Variants in TPCN1 observed in about 807,000 individuals in gnomAD.
TPCN1 encodes two pore channel protein 1.
TPCN1 carries 52 observed loss-of-function variants against 108.8 expected under a neutral mutation model. The observed-to-expected ratio is 0.48, with a 90% CI of 0.38 to 0.60. The LOEUF (loss-of-function observed/expected upper bound fraction) is 0.60. TPCN1 is among the 20% of genes least tolerant of loss of function. The pLI, the probability that TPCN1 is intolerant of heterozygous loss-of-function variation, is 0.00. For synonymous variants in TPCN1, 446 were observed against 433.7 expected, an observed-to-expected ratio of 1.03 and a Z score of -0.35; for missense variants, 806 against 1,072.8, an observed-to-expected ratio of 0.75 and a Z score of 3.47.
chr12:113,255,606 A>G (rs910752374), intron 2 of TPCN1, among the ~76,000 whole-genome samples: 2 of 151,920 alleles, frequency 1.3e-5, no homozygotes, highest in Non-Finnish European at 2.9e-5. Flanking sequence ...GCTCACCGCA[A>G]CCTCCACCTC....
At position 113,285,891 on chromosome 12, in the gene TPCN1, T is replaced by C. The variant is rs765424762; in HGVS notation, c.1456T>C (p.Tyr486His). Residue 486 changes from tyrosine to histidine, a missense_variant and splice_region_variant, in exon 18 of 28, where the codon TAT becomes CAT. Transcript: ENST00000335509. The part of the protein sequence containing the change: ...PWSYLVFLTI[Y>H]GVELFLKVAG... ...CGATGGATTCCTTCTGTCCACAGTC[T>C]ATGGGGTGGAGCTGTTCCTGAAGGT... is the stretch of plus-strand genomic sequence containing the variant. 1 of 1,614,138 alleles carries C rather than the reference T, an allele frequency of 6.2e-7. No individual in the cohort carries two copies. The highest frequency in any genetic ancestry group is 2.2e-5 in the East Asian group (1 of 44,886).
chr12:113,285,011 T>G (rs750528596), intron 17 of TPCN1, among the ~76,000 whole-genome samples: 9 of 152,206 alleles, frequency 5.9e-5, no homozygotes, highest in Non-Finnish European at 1.2e-4. Flanking sequence ...CCCTGCTGTT[T>G]GCCAGCGCCG....
intron 1 of TPCN1, among the ~76,000 whole-genome samples, chr12:113,222,870 C>T (rs927264299): frequency 1.3e-5 from 2 of 152,132 alleles, no homozygotes; most frequent in African/African-American, 4.8e-5. Context: ...ATTAAGAAAC[C>T]TCTTCTCTGT....
chr12:113,234,491 T>C (rs1953811096), intron 2 of TPCN1, among the ~76,000 whole-genome samples: 1 of 152,242 alleles, frequency 6.6e-6, no homozygotes, highest in African/African-American at 2.4e-5. Flanking sequence ...TATCAGGACT[T>C]GCCTGGTAGA....
chr12:113,241,773 TGTGTGTGTGTGTGTGTGTGTGC>T (rs1954137956), intron 2 of TPCN1, among the ~76,000 whole-genome samples: 1 of 150,740 alleles, frequency 6.6e-6, no homozygotes, highest in Admixed American at 6.6e-5. Context: ...TGTGTGTGTG[TGTGTGTGTGTGTGTGTGTGTGC>T]GTGTGTGTGT....
rs75057362 is a variant in TPCN1, at chr12:113,259,747, G to A, written c.113-621G>A. 0.012 allele frequency among the ~76,000 whole-genome samples: 1,831 copies of A among 152,314 alleles called. 68 individuals are homozygous for A. The East Asian group carries it at 0.15, about 12-fold the overall frequency. ...AGGGAGATGAGGGGCTTATTGCCAGGCCCAGGTCACCTGCCTGGGAACCAG... is the reference window on the plus strand; with the variant it reads ...AGGGAGATGAGGGGCTTATTGCCAGACCCAGGTCACCTGCCTGGGAACCAG... On this transcript the variant is annotated intron_variant, in intron 2 of 27. Coordinates refer to ENST00000335509, the MANE Select transcript of TPCN1 (RefSeq NM_017901.6).
chr12:113,278,309 C>T (rs1285658375), intron 13 of TPCN1, 72 bp downstream of exon 13: 10 of 1,360,010 alleles, frequency 7.4e-6, no homozygotes, highest in Non-Finnish European at 1.1e-5. Context: ...GGAGCAGGGG[C>T]ACCCCGAGAT....
chr12:113,224,305 C>T (rs1593059045), intron 1 of TPCN1, among the ~76,000 whole-genome samples: 1 of 152,204 alleles, frequency 6.6e-6, no homozygotes, highest in East Asian at 1.9e-4. Flanking sequence ...CTGCCTATCT[C>T]ATGGGGCTAT....
chr12:113,234,881 T>G (rs1953825908), intron 2 of TPCN1, among the ~76,000 whole-genome samples: 1 of 152,196 alleles, frequency 6.6e-6, no homozygotes, highest in Admixed American at 6.6e-5. Context: ...GTCTTTTGAT[T>G]TGTAAATAGT....
intron 2 of TPCN1, chr12:113,244,824 CTG>C: frequency 5.3e-6 from 5 of 935,854 alleles, no homozygotes; most frequent in Non-Finnish European, 3.8e-6. Flanking sequence ...AACTGAGGCT[CTG>C]GGGATTAAGA....
At chr12:113,225,875 G>A (rs1282017655) in intron 1 of TPCN1, among the ~76,000 whole-genome samples, 1 of 152,002 alleles carries the variant, frequency 6.6e-6, no homozygotes, top group Non-Finnish European at 1.5e-5. Context: ...TTTTTTAAGA[G>A]ACAGGATTTC....
Position 113,284,477 on chromosome 12 carries a change from A to C in TPCN1, c.1343-104A>C. 7.6e-7 allele frequency: 1 copy of C among 1,308,994 alleles called. No homozygotes were observed. The highest frequency in any genetic ancestry group is 1.1e-6 in the Non-Finnish European group (1 of 909,048). The allele number at this position is 1,308,994 out of a possible 1,614,324, so 81.1% of individuals were successfully genotyped here. A position where few individuals can be genotyped will look rare whatever the true frequency, so the allele number is the denominator to read the frequency against. On this transcript the variant is annotated intron_variant, in intron 15 of 27. Coordinates refer to ENST00000335509, the MANE Select transcript of TPCN1 (RefSeq NM_017901.6). This position sits in a 1 kb window ranked among gnomAD's most constrained non-coding sequence, Gnocchi z 4.1. Reference sequence around the variant, plus strand: ...TGTGTGGAGCAGCCCTGTTCTCCCCATCCCGTAGAGCTCCAGGAAGTTAAC... The same window carrying C: ...TGTGTGGAGCAGCCCTGTTCTCCCCCTCCCGTAGAGCTCCAGGAAGTTAAC...
At chr12:113,234,129 G>A (rs12308327) in intron 2 of TPCN1, among the ~76,000 whole-genome samples, 2,254 of 152,266 alleles carry the variant, frequency 0.015, 67 homozygotes, top group African/African-American at 0.051. Context: ...TCATGGTGAA[G>A]CTGTGTTGGA....
At chr12:113,254,884 G>A (rs904678725) in intron 2 of TPCN1, among the ~76,000 whole-genome samples, 2 of 152,212 alleles carry the variant, frequency 1.3e-5, no homozygotes, top group African/African-American at 4.8e-5. Flanking sequence ...ACTAGGCACA[G>A]AAAGGAATTT....
In TPCN1 at chr12:113,290,140, G is replaced by A; in HGVS notation, c.1809G>A (p.Val603=). 6.3e-7 allele frequency: 1 copy of A among 1,595,854 alleles called. No homozygotes were observed. Among genetic ancestry groups the A allele is most frequent in the Non-Finnish European group, 8.5e-7 (1 of 1,170,510 alleles). The change falls in exon 22 of 28, where the codon GTG becomes GTA. Residue 603 remains valine (V), a synonymous_variant. Transcript: ENST00000335509. The part of the protein sequence containing the change: ...VFPNCCNTST[V]ADAYRWRNHT... The stretch of plus-strand genomic sequence containing the variant: ...GTGCTCCGGCCAGCACGAGTACAGT[G>A]GCAGATGCCTACCGCTGGCGCAACC...
intron 2 of TPCN1, chr12:113,245,846 G>C (rs953353537): frequency 2.4e-6 from 1 of 416,470 alleles, no homozygotes; most frequent in Non-Finnish European, 4.9e-6. Flanking sequence ...GTTCTTTCCT[G>C]CTCCTCCCCA....
intron 23 of TPCN1, 96 bp from the exon 24 acceptor site, chr12:113,291,513 G>A: frequency 9.9e-7 from 1 of 1,011,594 alleles, no homozygotes; most frequent in Non-Finnish European, 1.5e-6. Context: ...AATCACGGTG[G>A]GGTCTGCGAA....
chr12:113,225,806 G>A lies in TPCN1; in HGVS notation c.-125-922G>A, dbSNP rs971809254. Among the ~76,000 whole-genome samples the A allele has an allele frequency of 4.0e-5, 6 of 151,784 alleles. No homozygotes were observed. The South Asian group carries it at 6.3e-4, about 16-fold the overall frequency. On this transcript the variant is annotated intron_variant, in intron 1 of 27. Coordinates refer to ENST00000335509, the MANE Select transcript of TPCN1 (RefSeq NM_017901.6). ...CCTGACCTCAGGATCCGCCCGCCTC[G>A]GCCTCCCAAAGTGCTGGGATTACAG...
Position 113,297,127 on chromosome 12 carries a change from T to G in TPCN1, c.*1051T>G, listed in dbSNP as rs2232517. On this transcript the variant is annotated 3_prime_UTR_variant, in exon 28 of 28. Coordinates refer to ENST00000335509, the MANE Select transcript of TPCN1 (RefSeq NM_017901.6). The surrounding 1 kb of genome is among the most constrained non-coding windows in gnomAD (Gnocchi z 4.4). ...ATAGCAGGAGCGGTTGGTGCAGAAGTAGGTTCAGATGAACCTCAGTTAACG... is the reference window on the plus strand; with the variant it reads ...ATAGCAGGAGCGGTTGGTGCAGAAGGAGGTTCAGATGAACCTCAGTTAACG... 12,770 of 152,310 alleles carry G rather than the reference T, an allele frequency of 0.084. 686 individuals carry two copies. Among genetic ancestry groups the G allele is most frequent in the Middle Eastern group, 0.16 (47 of 294 alleles). The allele number at this position is 152,310 out of a possible 1,614,324, so 9.4% of individuals were successfully genotyped here. A position where few individuals can be genotyped will look rare whatever the true frequency, so the allele number is the denominator to read the frequency against.
Sources: gnomAD v4.1 joint callset for allele counts (sites outside exome capture counted in the v4.1 genomes callset) on GRCh38, gnomAD v4.1.1 for gene constraint, Gnocchi (gnomAD v3.1) non-coding constraint, MANE v1.5 for transcripts, NCBI Gene and HGNC (gene_info 2026-07-23, HGNC 2026-07-21) for gene names.